Variants in TTC28 observed in about 807,000 individuals in gnomAD.
The protein encoded by TTC28 is tetratricopeptide repeat domain 28.
A neutral mutation model predicts 198.0 loss-of-function variants in TTC28; 61 were observed. The observed-to-expected ratio is 0.31, with a 90% CI of 0.25 to 0.38. TTC28 has a LOEUF of 0.38. Among genes scored for constraint, TTC28 ranks in the 10% least tolerant of loss-of-function variants. The pLI is 1.00. For synonymous variants in TTC28, 1,171 were observed against 1,297.8 expected, an observed-to-expected ratio of 0.90 and a Z score of 2.10; for missense variants, 2,678 against 3,164.0, an observed-to-expected ratio of 0.85 and a Z score of 3.69.
chr22:28,291,447 T>C lies in TTC28; in HGVS notation c.933+4751A>G, dbSNP rs540474010. Reference sequence around the variant, plus strand: ...AGCATAAAGCTCTTTATAAAAGAAATTTTAAAAAACAGTCAACCCAAGTAG... The same window carrying C: ...AGCATAAAGCTCTTTATAAAAGAAACTTTAAAAAACAGTCAACCCAAGTAG... On this transcript the variant is annotated intron_variant, in intron 5 of 22. Coordinates refer to ENST00000397906, the MANE Select transcript of TTC28 (RefSeq NM_001145418.2). 6.4e-4 allele frequency among the ~76,000 whole-genome samples: 98 copies of C among 152,282 alleles called. 1 individual carries two copies. In the South Asian group the frequency reaches 0.012, roughly 19 times the overall value.
intron 5 of TTC28, among the ~76,000 whole-genome samples, chr22:28,165,941 A>G (rs1320092190): frequency 5.9e-5 from 9 of 152,162 alleles, no homozygotes; most frequent in Non-Finnish European, 8.8e-5. Flanking sequence ...CCCATCTCAC[A>G]TGCAGAGACA....
At chr22:28,478,092 C>T (rs923996222) in intron 2 of TTC28, among the ~76,000 whole-genome samples, 6 of 152,108 alleles carry the variant, frequency 3.9e-5, no homozygotes, top group Admixed American at 2.0e-4. Flanking sequence ...TGTGTAATTG[C>T]GACAACAGAC....
chr22:28,388,907 C>G (rs2046664633), intron 2 of TTC28, among the ~76,000 whole-genome samples: 1 of 152,176 alleles, frequency 6.6e-6, no homozygotes, highest in South Asian at 2.1e-4. Flanking sequence ...AGAGGGCATC[C>G]CTGTCTTGTG....
At chr22:28,354,970 C>T (rs963335803) in intron 2 of TTC28, among the ~76,000 whole-genome samples, 2 of 108,244 alleles carry the variant, frequency 1.8e-5, no homozygotes, top group African/African-American at 7.2e-5. Context: ...CTATCCCTCC[C>T]CCCTCCCCCC....
At chr22:28,043,752 CA>C (rs1939757814) in intron 12 of TTC28, among the ~76,000 whole-genome samples, 1 of 152,114 alleles carries the variant, frequency 6.6e-6, no homozygotes, top group Non-Finnish European at 1.5e-5. Flanking sequence ...AGAGGATGGG[CA>C]GGGCGGAGAT....
Position 28,096,146 on chromosome 22 carries a change from G to T in TTC28, c.3766+44C>A. ...ACCTCTATTCATTAGACTTTCACAG[G>T]TCTAGTCTTCTAATTGCCCTGTTCC... On this transcript the variant is annotated intron_variant, in intron 11 of 22. Coordinates refer to ENST00000397906, the MANE Select transcript of TTC28 (RefSeq NM_001145418.2). 4.7e-6 allele frequency: 7 copies of T among 1,496,270 alleles called. 1 individual carries two copies. In the South Asian group the frequency reaches 9.5e-5, roughly 20 times the overall value. 92.7% of individuals were successfully genotyped at this position (1,496,270 alleles called of 1,614,324 possible).
intron 5 of TTC28, among the ~76,000 whole-genome samples, chr22:28,289,468 G>A (rs2044746745): frequency 6.6e-6 from 1 of 152,060 alleles, no homozygotes; most frequent in Non-Finnish European, 1.5e-5. Flanking sequence ...TAGACAGAAG[G>A]TTAGTCAGAA....
At chr22:28,212,645 C>G (rs1176121237) in intron 5 of TTC28, among the ~76,000 whole-genome samples, 3 of 79,176 alleles carry the variant, frequency 3.8e-5, no homozygotes, top group African/African-American at 1.3e-4. Context: ...TAATAGCCTA[C>G]CAATCAAAAA....
At chr22:28,634,193 T>G (rs2096293169) in intron 1 of TTC28, among the ~76,000 whole-genome samples, 2 of 152,202 alleles carry the variant, frequency 1.3e-5, no homozygotes, top group South Asian at 2.1e-4. Context: ...AGCTGGATAC[T>G]GTGTGGTTGT....
chr22:28,464,066 C>T (rs1200339344), intron 2 of TTC28, among the ~76,000 whole-genome samples: 1 of 152,216 alleles, frequency 6.6e-6, no homozygotes, highest in South Asian at 2.1e-4. Flanking sequence ...AAAACTGCAA[C>T]GACCAACAGT....
chr22:28,233,005 G>A (rs1325886316), intron 5 of TTC28, among the ~76,000 whole-genome samples: 1 of 151,932 alleles, frequency 6.6e-6, no homozygotes, highest in Non-Finnish European at 1.5e-5. Flanking sequence ...GGGAGGCTGA[G>A]GCAGGAGAAT....
intron 6 of TTC28, among the ~76,000 whole-genome samples, chr22:28,152,019 C>T (rs758278137): frequency 6.6e-6 from 1 of 152,028 alleles, no homozygotes; most frequent in African/African-American, 2.4e-5. Flanking sequence ...CAGGCTGTAG[C>T]AAAAGACAAC....
At chr22:28,166,584 AC>A (rs1330984006) in intron 5 of TTC28, among the ~76,000 whole-genome samples, 1 of 152,268 alleles carries the variant, frequency 6.6e-6, no homozygotes, top group Non-Finnish European at 1.5e-5. Flanking sequence ...TGGGTACATA[AC>A]GAAATGAAGG....
At chr22:28,045,798 T>C (rs1939838859) in intron 12 of TTC28, among the ~76,000 whole-genome samples, 1 of 152,182 alleles carries the variant, frequency 6.6e-6, no homozygotes, top group South Asian at 2.1e-4. Flanking sequence ...ACCTTGTCTC[T>C]ACTAAAAATA....
At chr22:28,404,305 A>C (rs953140235) in intron 2 of TTC28, among the ~76,000 whole-genome samples, 3 of 152,012 alleles carry the variant, frequency 2.0e-5, no homozygotes, top group Non-Finnish European at 4.4e-5. Flanking sequence ...TTTTTAATAG[A>C]GATGGGGTTT....
chr22:28,078,691 G>A (rs1056147932), intron 12 of TTC28, among the ~76,000 whole-genome samples: 4 of 152,102 alleles, frequency 2.6e-5, no homozygotes, highest in Non-Finnish European at 5.9e-5. Context: ...TCAGGCAGAA[G>A]GGAGAAGCGC....
chr22:28,514,143 A>G (rs2048738810), intron 2 of TTC28, among the ~76,000 whole-genome samples: 1 of 152,186 alleles, frequency 6.6e-6, no homozygotes, highest in African/African-American at 2.4e-5. Flanking sequence ...ACTCTATCTT[A>G]TATGTCATAA....
At chr22:28,609,402 C>T (rs368087533) in intron 2 of TTC28, among the ~76,000 whole-genome samples, 46 of 152,182 alleles carry the variant, frequency 3.0e-4, no homozygotes, top group African/African-American at 9.6e-4. Context: ...CATTAGGACT[C>T]GTTGGACAGT....
chr22:28,063,214 C>A (rs965812971), intron 12 of TTC28, among the ~76,000 whole-genome samples: 1 of 152,184 alleles, frequency 6.6e-6, no homozygotes, highest in Non-Finnish European at 1.5e-5. Context: ...AGAGTTTATA[C>A]ACAAAATTTG....
Sources: allele counts gnomAD v4.1 joint callset (sites outside exome capture counted in the v4.1 genomes callset), GRCh38; gene constraint gnomAD v4.1.1; transcripts MANE v1.5; gene names NCBI Gene and HGNC (gene_info 2026-07-23, HGNC 2026-07-21).